ANKRD17: variants seen among roughly 807,000 people sequenced by gnomAD.
The protein encoded by ANKRD17 is ankyrin repeat domain 17.
Under a neutral mutation model 229.7 loss-of-function variants are expected in ANKRD17, and 19 were observed. The ratio of observed to expected loss-of-function variants is 0.08; its 90% confidence interval spans 0.06 to 0.12. ANKRD17 has a LOEUF of 0.12. ANKRD17 is among the 10% of genes least tolerant of loss of function. ANKRD17 has a pLI of 1.00. For synonymous variants in ANKRD17, 1,112 were observed against 1,146.1 expected, an observed-to-expected ratio of 0.97 and a Z score of 0.60; for missense variants, 2,176 against 3,176.8, an observed-to-expected ratio of 0.68 and a Z score of 7.57.
At chr4:73,137,738 AT>A (rs1167251776) in intron 15 of ANKRD17, among the ~76,000 whole-genome samples, 1 of 152,138 alleles carries the variant, frequency 6.6e-6, no homozygotes, top group African/African-American at 2.4e-5. Context: ...AAAGTAAAAT[AT>A]TTTTGTATTA....
At chr4:73,174,924 G>A (rs13107336) in intron 2 of ANKRD17, among the ~76,000 whole-genome samples, 53,823 of 151,904 alleles carry the variant, frequency 0.35, 10,138 homozygotes, top group South Asian at 0.46. Flanking sequence ...AATTGAAGAC[G>A]ACACAAGAAA....
chr4:73,135,133 A>G lies in ANKRD17; in HGVS notation c.3218T>C (p.Ile1073Thr), dbSNP rs1728726270. The G allele has an allele frequency of 1.2e-6, 2 of 1,613,404 alleles. No individual in the cohort carries two copies. The highest frequency in any genetic ancestry group is 1.7e-6 in the Non-Finnish European group (2 of 1,179,582). Residue 1073 changes from isoleucine to threonine, a missense_variant, in exon 16 of 34, where the codon ATT becomes ACT. Ile to Thr is a moderately conservative substitution (Grantham distance 89). This residue lies in a region of ANKRD17 where 230 missense variants were observed against 252.3 expected (regional missense o/e 0.91). Coordinates refer to ENST00000358602, the MANE Select transcript of ANKRD17 (RefSeq NM_032217.5). ...GGGACTTACCTGTGCATCAATATCA[A>G]TGGCAGGGTAGATAGGAAGCATGGC... ...PSAMLPIYPA[I>T]DIDAQTESNH...
At chr4:73,127,172 G>T (rs909307759) in intron 16 of ANKRD17, among the ~76,000 whole-genome samples, 2 of 152,168 alleles carry the variant, frequency 1.3e-5, no homozygotes, top group African/African-American at 4.8e-5. Flanking sequence ...ACAAATCTGG[G>T]ACTGAGGGGG....
chr4:73,230,029 AAC>A (rs1742896497), intron 1 of ANKRD17, among the ~76,000 whole-genome samples: 1 of 152,134 alleles, frequency 6.6e-6, no homozygotes, highest in Non-Finnish European at 1.5e-5. Flanking sequence ...AAAAGCACTA[AAC>A]AGTTTCTATC....
intron 12 of ANKRD17, 50 bp from the exon 13 acceptor site, chr4:73,142,435 G>A (rs1280204698): frequency 6.3e-7 from 1 of 1,580,556 alleles, no homozygotes. Flanking sequence ...AAATAAGTTA[G>A]TTTACAGAAT....
intron 1 of ANKRD17, among the ~76,000 whole-genome samples, chr4:73,242,991 T>C (rs1356184058): frequency 1.3e-5 from 2 of 152,262 alleles, no homozygotes; most frequent in Non-Finnish European, 2.9e-5. Context: ...GGGGAGAAAG[T>C]TCCCTCTAAC....
In ANKRD17 at chr4:73,142,011, A is replaced by AT. The variant is rs1729675975; in HGVS notation, c.2230-169dup. Among the ~76,000 whole-genome samples the AT allele has an allele frequency of 5.9e-5, 9 of 152,290 alleles. 1 individual carries two copies. In the South Asian group the frequency reaches 1.9e-3, roughly 32 times the overall value. The stretch of plus-strand genomic sequence containing the variant: ...TTGGCACCAAATTGTTTACCACGAC[A>AT]TTTTTTAGTAGGCTTTGAATTCAAG... On this transcript the variant is annotated intron_variant, in intron 13 of 33. Coordinates refer to ENST00000358602, the MANE Select transcript of ANKRD17 (RefSeq NM_032217.5).
At chr4:73,229,005 CCAT>C (rs1166340243) in intron 1 of ANKRD17, among the ~76,000 whole-genome samples, 1 of 152,122 alleles carries the variant, frequency 6.6e-6, no homozygotes, top group Non-Finnish European at 1.5e-5. Context: ...AAGCTGGAAA[CCAT>C]CATTCTCAGC....
intron 14 of ANKRD17, among the ~76,000 whole-genome samples, chr4:73,140,651 TA>T (rs1366218738): frequency 6.6e-6 from 1 of 152,148 alleles, no homozygotes; most frequent in Non-Finnish European, 1.5e-5. Flanking sequence ...AACAGAACAA[TA>T]ATGCTAAATT....
intron 3 of ANKRD17, among the ~76,000 whole-genome samples, chr4:73,156,666 G>A (rs1731705257): frequency 6.6e-6 from 1 of 151,894 alleles, no homozygotes; most frequent in African/African-American, 2.4e-5. Flanking sequence ...GGTAAGACAT[G>A]CTTGCTTCCC....
At chr4:73,251,092 G>A (rs1468722784) in intron 1 of ANKRD17, among the ~76,000 whole-genome samples, 1 of 152,072 alleles carries the variant, frequency 6.6e-6, no homozygotes, top group Non-Finnish European at 1.5e-5. Context: ...GCAACAAAGT[G>A]AGACGCCATC....
intron 1 of ANKRD17, among the ~76,000 whole-genome samples, chr4:73,255,501 A>T (rs1174052059): frequency 6.6e-6 from 1 of 152,200 alleles, no homozygotes; most frequent in Non-Finnish European, 1.5e-5. Context: ...TAGAGAAAAG[A>T]CAACACTGTG....
intron 1 of ANKRD17, among the ~76,000 whole-genome samples, chr4:73,192,130 CT>C (rs1286893506): frequency 1.3e-5 from 2 of 152,170 alleles, no homozygotes; most frequent in South Asian, 2.1e-4. Context: ...TCTTCATGAA[CT>C]TATTAATAGT....
Position 73,142,633 on chromosome 4 carries a change from T to C in ANKRD17, c.2085+7A>G, listed in dbSNP as rs773774482. 1 of 1,613,918 alleles carries C rather than the reference T, an allele frequency of 6.2e-7. No homozygotes were observed. Among genetic ancestry groups the C allele is most frequent in the Non-Finnish European group, 8.5e-7 (1 of 1,179,890 alleles). On this transcript the variant is annotated splice_region_variant and intron_variant, in intron 12 of 33. Coordinates refer to ENST00000358602, the MANE Select transcript of ANKRD17 (RefSeq NM_032217.5). Reference sequence around the variant, plus strand: ...CACAATTCTGCACAAACATTTGAGTTACATACTTTCAAACGGTGAGTAGGA... The same window carrying C: ...CACAATTCTGCACAAACATTTGAGTCACATACTTTCAAACGGTGAGTAGGA...
intron 8 of ANKRD17, among the ~76,000 whole-genome samples, chr4:73,148,416 G>A (rs1375471758): frequency 6.6e-6 from 1 of 152,148 alleles, no homozygotes; most frequent in African/African-American, 2.4e-5. Context: ...AGTCTTTACT[G>A]CGTGGTTTCC....
intron 30 of ANKRD17, among the ~76,000 whole-genome samples, chr4:73,081,165 C>T (rs1721520768): frequency 6.6e-6 from 1 of 152,226 alleles, no homozygotes. Flanking sequence ...CTGACTTGAA[C>T]ATATGAGCTG....
intron 2 of ANKRD17, among the ~76,000 whole-genome samples, chr4:73,175,109 C>T (rs1019794261): frequency 2.0e-5 from 3 of 151,972 alleles, no homozygotes; most frequent in Non-Finnish European, 4.4e-5. Flanking sequence ...TATAAATAAC[C>T]GAGACAGGGT....
chr4:73,205,538 C>T (rs1739327444), intron 1 of ANKRD17, among the ~76,000 whole-genome samples: 1 of 152,060 alleles, frequency 6.6e-6, no homozygotes, highest in African/African-American at 2.4e-5. Flanking sequence ...TAGATACTGA[C>T]ATGCAAAAAA....
chr4:73,228,328 TATAAA>T (rs1343820642), intron 1 of ANKRD17, among the ~76,000 whole-genome samples: 1 of 152,334 alleles, frequency 6.6e-6, no homozygotes, highest in East Asian at 1.9e-4. Context: ...CTACTCATGC[TATAAA>T]ATGACTGAGG....
Sources: allele counts gnomAD v4.1 joint callset (sites outside exome capture counted in the v4.1 genomes callset), GRCh38; gene constraint gnomAD v4.1.1; regional missense constraint gnomAD v4.1.1; transcripts MANE v1.5; gene names NCBI Gene and HGNC (gene_info 2026-07-23, HGNC 2026-07-21).